The following KCNQ3 variants were observed in gnomAD, a reference collection of about 807,000 sequenced individuals.
KCNQ3 encodes potassium voltage-gated channel subfamily Q member 3.
Under a neutral mutation model 92.5 loss-of-function variants are expected in KCNQ3, and 30 were observed. The ratio of observed to expected loss-of-function variants is 0.32; its 90% CI spans 0.24 to 0.44. The LOEUF is 0.44. KCNQ3 is among the 20% of genes least tolerant of loss of function. The pLI is 1.00. For synonymous variants in KCNQ3, 450 were observed against 468.8 expected (o/e 0.96, Z 0.52); for missense variants, 913 against 1,140.3 (o/e 0.80, Z 2.87).
intron 1 of KCNQ3, among the ~76,000 whole-genome samples, chr8:132,234,142 T>C (rs1172707963): frequency 3.9e-5 from 6 of 152,130 alleles, no homozygotes; most frequent in African/African-American, 1.4e-4. Context: ...AGCTCAACAG[T>C]GCACAGAAGA....
Position 132,124,146 on chromosome 8 carries a change from C to T in KCNQ3, c.*5116G>A, listed in dbSNP as rs1184655470. The T allele has an allele frequency of 6.6e-6, 1 of 152,134 alleles. No individual in the cohort carries two copies. The highest frequency in any genetic ancestry group is 1.9e-4 in the East Asian group (1 of 5,202). 9.4% of individuals were successfully genotyped at this position (152,134 alleles called of 1,614,324 possible). A position where few individuals can be genotyped will look rare whatever the true frequency, so the allele number is the denominator to read the frequency against. Reference sequence around the variant, plus strand: ...CCTGCCTCTCTTCATTCCAAGATTCCTTCTGTTCTTTATTGTGGTAGACAA... The same window carrying T: ...CCTGCCTCTCTTCATTCCAAGATTCTTTCTGTTCTTTATTGTGGTAGACAA... On this transcript the variant is annotated 3_prime_UTR_variant, in exon 15 of 15. Coordinates refer to ENST00000388996, the MANE Select transcript of KCNQ3 (RefSeq NM_004519.4).
intron 1 of KCNQ3, among the ~76,000 whole-genome samples, chr8:132,196,162 C>T (rs1337434949): frequency 6.6e-6 from 1 of 152,160 alleles, no homozygotes; most frequent in African/African-American, 2.4e-5. Context: ...CATATGCTTT[C>T]TCTCCCTCAT....
Position 132,175,508 on chromosome 8 carries a change from C to A in KCNQ3, c.878G>T (p.Gly293Val), listed in dbSNP as rs1064795142. The change falls in exon 5 of 15, where the codon GGA (glycine) becomes GTA (valine). Residue 293 changes from glycine (G) to valine (V), a missense_variant. This residue lies in a region of KCNQ3 where 21 missense variants were observed against 16.3 expected (regional missense o/e 1.29). Transcript: ENST00000388996. ...EKDVPEVDAQ[G>V]EEMKEEFETY... ...CTCAAACTCCTCTTTCATCTCCTCTCCTTGTGCATCCACCTCTGGGACGTC... is the reference window on the plus strand; with the variant it reads ...CTCAAACTCCTCTTTCATCTCCTCTACTTGTGCATCCACCTCTGGGACGTC... 3 of 1,614,196 alleles carry A rather than the reference C, an allele frequency of 1.9e-6. No homozygotes were observed. Among genetic ancestry groups the A allele is most frequent in the Non-Finnish European group, 2.5e-6 (3 of 1,180,030 alleles).
chr8:132,246,326 A>G (rs532446491), intron 1 of KCNQ3, among the ~76,000 whole-genome samples: 48 of 152,360 alleles, frequency 3.2e-4, no homozygotes, highest in African/African-American at 1.1e-3. Context: ...GAGAAGGAAC[A>G]TGAGGGGGAA....
At chr8:132,140,907 C>T (rs971803538) in intron 10 of KCNQ3, 3 of 573,746 alleles carry the variant, frequency 5.2e-6, no homozygotes, top group Admixed American at 3.0e-5. Context: ...AGGCTCCTAA[C>T]TTGGGAGCCT....
chr8:132,338,865 C>A (rs1231884781), intron 1 of KCNQ3, among the ~76,000 whole-genome samples: 4 of 152,168 alleles, frequency 2.6e-5, no homozygotes, highest in Non-Finnish European at 5.9e-5. Flanking sequence ...ACCTCCATCA[C>A]CTCCTCAGTG....
At chr8:132,250,188 T>A (rs901531211) in intron 1 of KCNQ3, among the ~76,000 whole-genome samples, 2 of 152,040 alleles carry the variant, frequency 1.3e-5, no homozygotes, top group African/African-American at 4.8e-5. Flanking sequence ...CGAGCGAGGG[T>A]CACCAGCACG....
chr8:132,308,313 AAG>A (rs1168667371), intron 1 of KCNQ3, among the ~76,000 whole-genome samples: 2 of 152,074 alleles, frequency 1.3e-5, no homozygotes, highest in Non-Finnish European at 2.9e-5. Context: ...ACAAGTGAGA[AAG>A]AGAGAGCAGA....
chr8:132,421,303 G>A (rs969755640), intron 1 of KCNQ3, among the ~76,000 whole-genome samples: 6 of 152,310 alleles, frequency 3.9e-5, no homozygotes, highest in African/African-American at 7.2e-5. Flanking sequence ...CCAAGAAAAC[G>A]TCTAGGAAAA....
intron 1 of KCNQ3, among the ~76,000 whole-genome samples, chr8:132,203,261 G>A (rs1374598018): frequency 1.3e-5 from 2 of 152,118 alleles, no homozygotes; most frequent in Non-Finnish European, 2.9e-5. Flanking sequence ...CACTTTAGGA[G>A]ACACATTTAA....
At chr8:132,209,983 G>T (rs1225479232) in intron 1 of KCNQ3, among the ~76,000 whole-genome samples, 1 of 152,094 alleles carries the variant, frequency 6.6e-6, no homozygotes, top group Non-Finnish European at 1.5e-5. Context: ...ATCTTTTCTA[G>T]AAAATTTTAT....
chr8:132,398,813 G>T (rs1820262068), intron 1 of KCNQ3, among the ~76,000 whole-genome samples: 1 of 152,204 alleles, frequency 6.6e-6, no homozygotes, highest in Non-Finnish European at 1.5e-5. Context: ...GCAGCATGTT[G>T]ATGGATTGAA....
chr8:132,189,596 G>A (rs1827095501), intron 1 of KCNQ3, among the ~76,000 whole-genome samples: 1 of 152,162 alleles, frequency 6.6e-6, no homozygotes, highest in Admixed American at 6.6e-5. Context: ...GGAGGCTGAA[G>A]CAGGTGGATC....
chr8:132,203,070 C>T (rs1312092157), intron 1 of KCNQ3, among the ~76,000 whole-genome samples: 2 of 152,112 alleles, frequency 1.3e-5, no homozygotes, highest in Non-Finnish European at 2.9e-5. Flanking sequence ...ATCATCCCAT[C>T]CCAAGGTGAG....
intron 1 of KCNQ3, among the ~76,000 whole-genome samples, chr8:132,468,664 A>G (rs1312331232): frequency 6.6e-6 from 1 of 152,234 alleles, no homozygotes; most frequent in Non-Finnish European, 1.5e-5. Flanking sequence ...TATTACTAAT[A>G]TGCTGGTTTT....
intron 1 of KCNQ3, among the ~76,000 whole-genome samples, chr8:132,378,286 G>C (rs760439953): frequency 6.6e-6 from 1 of 152,008 alleles, no homozygotes; most frequent in African/African-American, 2.4e-5. Flanking sequence ...CAAGCTACTG[G>C]GAGGCTGATG....
In KCNQ3 at chr8:132,122,119, T is replaced by C. The variant is rs2436125; in HGVS notation, c.*7143A>G. 31,408 of 152,158 alleles carry C rather than the reference T, an allele frequency of 0.21. 3,752 individuals carry two copies. The highest frequency in any genetic ancestry group is 0.31 in the Middle Eastern group (90 of 294). The allele number at this position is 152,158 out of a possible 1,614,324, so 9.4% of individuals were successfully genotyped here. ...GGAAGAAGGGGGAGAGAGAATGAGC[T>C]TTCCAGGTACACGGGCTTTGGTTGA... is the stretch of plus-strand genomic sequence containing the variant. On this transcript the variant is annotated 3_prime_UTR_variant, in exon 15 of 15. Transcript: ENST00000388996.
At chr8:132,249,818 T>G (rs1410232859) in intron 1 of KCNQ3, among the ~76,000 whole-genome samples, 1 of 151,994 alleles carries the variant, frequency 6.6e-6, no homozygotes, top group Non-Finnish European at 1.5e-5. Context: ...GGCAGCTGAG[T>G]CCTGGCAAGA....
chr8:132,326,065 G>A lies in KCNQ3; in HGVS notation c.387-139884C>T, dbSNP rs79008175. Among the ~76,000 whole-genome samples, 191 of 152,328 alleles carry A rather than the reference G, an allele frequency of 1.3e-3. 2 individuals carry two copies. In the Middle Eastern group the frequency reaches 0.02, roughly 16 times the overall value. ...TGAGAGAGATATGTTGTCTCAGCAT[G>A]AGGCTTGGATGTGCATTACTTTGAA... On this transcript the variant is annotated intron_variant, in intron 1 of 14. Transcript: ENST00000388996.
Sources: allele counts gnomAD v4.1 joint callset (sites outside exome capture counted in the v4.1 genomes callset), GRCh38; gene constraint gnomAD v4.1.1; regional missense constraint gnomAD v4.1.1; transcripts MANE v1.5; gene names NCBI Gene and HGNC (gene_info 2026-07-23, HGNC 2026-07-21).